The following CALN1 variants were observed in gnomAD, a reference collection of about 807,000 sequenced individuals.
The protein encoded by CALN1 is calneuron 1.
In CALN1, 17 loss-of-function variants were observed where a neutral mutation model predicts 30.6. The observed-to-expected ratio is 0.56, with a 90% CI of 0.38 to 0.83. The LOEUF is 0.83. CALN1 is among the 40% of genes least tolerant of loss of function. The probability of loss-of-function intolerance (pLI) is 0.00; values close to 1 mark genes in which losing one functional copy is unlikely to be tolerated. For missense variants in CALN1, 291 were observed against 354.9 expected (o/e 0.82, Z 1.45); for synonymous variants, 156 against 131.4 (o/e 1.19, Z -1.28).
intron 2 of CALN1, among the ~76,000 whole-genome samples, chr7:72,398,135 C>G (rs951196275): frequency 2.0e-5 from 3 of 152,124 alleles, no homozygotes; most frequent in East Asian, 1.9e-4. Context: ...AGATGGCAAG[C>G]AAAGAGGAGT....
At chr7:72,495,359 T>C in the CALN1 span, among the ~76,000 whole-genome samples, 3 of 152,246 alleles carry the variant, frequency 2.0e-5, no homozygotes, top group East Asian at 5.8e-4. Context: ...CCAGGCTGGG[T>C]CAGTTCCTCC....
intron 3 of CALN1, among the ~76,000 whole-genome samples, chr7:72,152,644 G>A (rs767969761): frequency 5.9e-5 from 9 of 152,182 alleles, no homozygotes; most frequent in Non-Finnish European, 1.0e-4. Context: ...CCCGGCCAAA[G>A]CTGGTGCACA....
intron 1 of CALN1, among the ~76,000 whole-genome samples, chr7:72,424,787 G>A (rs1477157453): frequency 2.0e-5 from 3 of 151,900 alleles, no homozygotes; most frequent in Non-Finnish European, 4.4e-5. Context: ...TGTAGGGATG[G>A]GATTTTGCTA....
Position 72,291,108 on chromosome 7 carries a change from G to A in CALN1, c.120-12298C>T, listed in dbSNP as rs138983072. On this transcript the variant is annotated intron_variant, in intron 2 of 6. Transcript: ENST00000395275. Reference sequence around the variant, plus strand: ...CTGGCTAATTTTTGTATTTTCAGTAGAGACAGGATTTCACCATGTTGGCCA... The same window carrying A: ...CTGGCTAATTTTTGTATTTTCAGTAAAGACAGGATTTCACCATGTTGGCCA... 6.3e-3 allele frequency among the ~76,000 whole-genome samples: 954 copies of A among 152,086 alleles called. 5 individuals carry two copies. The highest frequency in any genetic ancestry group is 0.011 in the Non-Finnish European group (727 of 67,980).
At chr7:72,151,855 G>T (rs181251802) in intron 3 of CALN1, among the ~76,000 whole-genome samples, 1 of 151,512 alleles carries the variant, frequency 6.6e-6, no homozygotes, top group Non-Finnish European at 1.5e-5. Context: ...GGGACTACAG[G>T]TGCATATCAC....
chr7:72,390,426 G>A (rs1005806441), intron 2 of CALN1, among the ~76,000 whole-genome samples: 1 of 152,196 alleles, frequency 6.6e-6, no homozygotes, highest in African/African-American at 2.4e-5. Flanking sequence ...GCAAGACTCT[G>A]TCTAAAAAAG....
intron 2 of CALN1, among the ~76,000 whole-genome samples, chr7:72,322,998 G>C (rs974406384): frequency 6.6e-6 from 1 of 150,954 alleles, no homozygotes; most frequent in Admixed American, 6.6e-5. Flanking sequence ...AAAAAGGACA[G>C]GGGAGGGGAG....
chr7:72,336,299 G>A (rs1455896976), intron 2 of CALN1, among the ~76,000 whole-genome samples: 2 of 152,058 alleles, frequency 1.3e-5, no homozygotes, highest in African/African-American at 2.4e-5. Context: ...CGAGTCCCCT[G>A]CCCTCCCTCC....
intron 4 of CALN1, among the ~76,000 whole-genome samples, chr7:72,067,977 T>C (rs2129537765): frequency 6.6e-6 from 1 of 152,396 alleles, no homozygotes; most frequent in Non-Finnish European, 1.5e-5. Flanking sequence ...CTTTGTATCT[T>C]AGTCATTATT....
intron 5 of CALN1, among the ~76,000 whole-genome samples, chr7:71,981,097 G>A (rs574036768): frequency 5.1e-4 from 77 of 152,216 alleles, no homozygotes; most frequent in African/African-American, 1.1e-3. Context: ...ATCATTCACC[G>A]CAGTGCTATG....
chr7:72,470,114 A>G, the CALN1 span, among the ~76,000 whole-genome samples: 1 of 152,182 alleles, frequency 6.6e-6, no homozygotes, highest in Non-Finnish European at 1.5e-5. Flanking sequence ...GCCGTGTACA[A>G]TGCTCTGAAC....
At chr7:72,288,598 G>T (rs1798260770) in intron 2 of CALN1, among the ~76,000 whole-genome samples, 1 of 152,202 alleles carries the variant, frequency 6.6e-6, no homozygotes, top group Non-Finnish European at 1.5e-5. Context: ...TAGTCTAGGA[G>T]TGTGTCAATT....
chr7:72,410,972 A>G (rs1585694160), intron 1 of CALN1, among the ~76,000 whole-genome samples: 1 of 152,230 alleles, frequency 6.6e-6, no homozygotes. Flanking sequence ...TTTTAAGGTG[A>G]TATGATTATA....
Position 72,399,840 on chromosome 7 carries a change from G to A in CALN1, c.119+3411C>T, listed in dbSNP as rs150731078. 2.2e-4 allele frequency among the ~76,000 whole-genome samples: 33 copies of A among 152,218 alleles called. No homozygotes were observed. The East Asian group carries it at 2.9e-3, about 13-fold the overall frequency. ...TGGGAGGTGTTTGGGTCATGCAGGC[G>A]GATGCCTCATGAATGCCTGGGCACC... is the stretch of plus-strand genomic sequence containing the variant. On this transcript the variant is annotated intron_variant, in intron 2 of 6. Transcript: ENST00000395275.
chr7:72,104,829 T>C (rs576199294), intron 4 of CALN1, among the ~76,000 whole-genome samples: 112 of 152,160 alleles, frequency 7.4e-4, no homozygotes, highest in African/African-American at 2.3e-3. Context: ...TGGTGGTGCA[T>C]GCCTCTAGTC....
At chr7:72,503,412 T>G in the CALN1 span, among the ~76,000 whole-genome samples, 3 of 151,894 alleles carry the variant, frequency 2.0e-5, no homozygotes, top group African/African-American at 7.3e-5. Flanking sequence ...CTCGGGGGTA[T>G]TTGGGGGTCC....
At chr7:72,473,360 C>A in the CALN1 span, among the ~76,000 whole-genome samples, 8 of 152,058 alleles carry the variant, frequency 5.3e-5, no homozygotes, top group Non-Finnish European at 1.2e-4. Context: ...TCATGACAAC[C>A]TTTCCATCTC....
chr7:72,403,237 G>A lies in CALN1; in HGVS notation c.119+14C>T, dbSNP rs779299925. 17 of 1,544,312 alleles carry A rather than the reference G, an allele frequency of 1.1e-5. No homozygotes were observed. Among genetic ancestry groups the A allele is most frequent in the African/African-American group, 1.4e-5 (1 of 73,112 alleles). On this transcript the variant is annotated intron_variant, in intron 2 of 6. Coordinates refer to ENST00000395275, the MANE Select transcript of CALN1 (RefSeq NM_031468.4). ...AACAATCTAGGTCCTTGGGTTTGGG[G>A]GAAGAAGACTTGCCAGGTGGGGAAG...
intron 5 of CALN1, among the ~76,000 whole-genome samples, chr7:71,915,702 C>G (rs533193574): frequency 4.6e-4 from 70 of 152,246 alleles, no homozygotes; most frequent in African/African-American, 1.5e-3. Flanking sequence ...GCATTGCACT[C>G]CAGCCCCGCA....
Sources: gnomAD v4.1 joint callset for allele counts (sites outside exome capture counted in the v4.1 genomes callset) on GRCh38, gnomAD v4.1.1 for gene constraint, MANE v1.5 for transcripts, NCBI Gene and HGNC (gene_info 2026-07-23, HGNC 2026-07-21) for gene names.